The following CNTN5 variants were observed in gnomAD, a reference collection of about 807,000 sequenced individuals.
CNTN5 encodes contactin 5.
In CNTN5, 77 loss-of-function variants were observed where a neutral mutation model predicts 129.1. The observed-to-expected ratio is 0.60, with a 90% CI of 0.50 to 0.72. CNTN5 has a LOEUF of 0.72. Among genes scored for constraint, CNTN5 ranks in the 30% least tolerant of loss-of-function variants. The pLI is 0.00. For missense variants in CNTN5, 1,478 were observed against 1,328.8 expected (o/e 1.11, Z -1.75); for synonymous variants, 509 against 465.6 (o/e 1.09, Z -1.20).
chr11:99,723,793 C>G (rs184346629), intron 3 of CNTN5, among the ~76,000 whole-genome samples: 1 of 143,356 alleles, frequency 7.0e-6, no homozygotes, highest in Non-Finnish European at 1.6e-5. Context: ...CATGCGCACG[C>G]GTGTGTGTTT....
intron 3 of CNTN5, among the ~76,000 whole-genome samples, chr11:99,744,573 A>AAAAAAAAAAG (rs1591079744): frequency 8.3e-6 from 1 of 120,926 alleles, no homozygotes; most frequent in African/African-American, 3.1e-5. Context: ...AAAAAAAAAA[A>AAAAAAAAAAG]GCTGGGTGTA....
chr11:99,783,837 G>C (rs1276952095), intron 3 of CNTN5, among the ~76,000 whole-genome samples: 1 of 151,746 alleles, frequency 6.6e-6, no homozygotes, highest in East Asian at 2.0e-4. Context: ...GGTGGAGTGG[G>C]GAGGGATTGC....
chr11:99,131,059 G>A (rs1343079288), intron 1 of CNTN5, among the ~76,000 whole-genome samples: 1 of 148,894 alleles, frequency 6.7e-6, no homozygotes, highest in Non-Finnish European at 1.5e-5. Context: ...TCAGGAGATC[G>A]AGACCATCCT....
Position 100,193,639 on chromosome 11 carries a change from T to C in CNTN5, c.1860T>C (p.Gly620=). 1.2e-6 allele frequency: 2 copies of C among 1,611,596 alleles called. No individual in the cohort carries two copies. Among genetic ancestry groups the C allele is most frequent in the Middle Eastern group, 1.7e-4 (1 of 6,052 alleles). ...AGCCTATTGATTTCGAGGAAGAGGGTGGACATTTTGAAAGCATCAGGGCCG... is the reference window on the plus strand; with the variant it reads ...AGCCTATTGATTTCGAGGAAGAGGGCGGACATTTTGAAAGCATCAGGGCCG... ...KGQPIDFEEE[G]GHFESIRAQA... The change falls in exon 15 of 25, where the codon GGT becomes GGC. Residue 620 remains glycine (G), a synonymous_variant. Coordinates refer to ENST00000524871, the MANE Select transcript of CNTN5 (RefSeq NM_014361.4).
At chr11:99,753,335 G>A (rs891719373) in intron 3 of CNTN5, among the ~76,000 whole-genome samples, 1 of 151,184 alleles carries the variant, frequency 6.6e-6, no homozygotes, top group Non-Finnish European at 1.5e-5. Context: ...TGTTAGCCAG[G>A]ATGGTCTCGA....
intron 7 of CNTN5, among the ~76,000 whole-genome samples, 199 bp downstream of exon 7, chr11:99,916,348 T>A (rs1280307574): frequency 1.3e-5 from 2 of 152,144 alleles, no homozygotes; most frequent in Admixed American, 6.6e-5. Context: ...CCAATAAGAT[T>A]GTTTTATTGC....
intron 18 of CNTN5, among the ~76,000 whole-genome samples, chr11:100,296,101 C>G (rs1181912724): frequency 1.3e-5 from 2 of 151,360 alleles, no homozygotes; most frequent in Non-Finnish European, 3.0e-5. Context: ...GATCCCTGTC[C>G]TTTTACATAT....
chr11:100,307,526 A>T (rs1464939783), intron 20 of CNTN5, among the ~76,000 whole-genome samples: 1 of 151,700 alleles, frequency 6.6e-6, no homozygotes, highest in Non-Finnish European at 1.5e-5. Context: ...CAAAAAAAAA[A>T]AATAGTGTGA....
intron 21 of CNTN5, among the ~76,000 whole-genome samples, chr11:100,331,724 C>G (rs1313612511): frequency 6.6e-6 from 1 of 152,066 alleles, no homozygotes; most frequent in African/African-American, 2.4e-5. Flanking sequence ...AAAACCTGCT[C>G]CTGAATGATT....
At chr11:99,459,586 T>C (rs1336754500) in intron 2 of CNTN5, among the ~76,000 whole-genome samples, 1 of 151,980 alleles carries the variant, frequency 6.6e-6, no homozygotes, top group Non-Finnish European at 1.5e-5. Flanking sequence ...TCAGTGGGTG[T>C]TACAAAATAA....
In CNTN5 at chr11:99,971,822, TATA is replaced by T. The variant is rs369659363; in HGVS notation, c.877+14817_877+14819del. On this transcript the variant is annotated intron_variant, in intron 8 of 24. Coordinates refer to ENST00000524871, the MANE Select transcript of CNTN5 (RefSeq NM_014361.4). ...TATTTAGCAATAAACATTTTTAAAT[TATA>T]ATATTTAATTTTAAAAAAATTTATC... Among the ~76,000 whole-genome samples, 531 of 151,706 alleles carry T rather than the reference TATA, an allele frequency of 3.5e-3. 5 individuals are homozygous for T. Among genetic ancestry groups the T allele is most frequent in the African/African-American group, 0.012 (514 of 41,368 alleles).
chr11:99,074,796 C>T (rs1349156847), intron 1 of CNTN5, among the ~76,000 whole-genome samples: 1 of 151,804 alleles, frequency 6.6e-6, no homozygotes, highest in Non-Finnish European at 1.5e-5. Flanking sequence ...TACTATATGC[C>T]CAGAAAGGCT....
chr11:99,228,581 A>G (rs1467352519), intron 1 of CNTN5, among the ~76,000 whole-genome samples: 1 of 152,100 alleles, frequency 6.6e-6, no homozygotes, highest in Non-Finnish European at 1.5e-5. Flanking sequence ...GTGTAACAAA[A>G]TGTTACATGT....
At position 99,645,102 on chromosome 11, in the gene CNTN5, T is replaced by TAAAA. The variant is rs140819611; in HGVS notation, c.55+88833_55+88834insAAAA. Among the ~76,000 whole-genome samples, 105 of 143,192 alleles carry TAAAA rather than the reference T, an allele frequency of 7.3e-4. 8 individuals are homozygous for TAAAA. Among genetic ancestry groups the TAAAA allele is most frequent in the South Asian group, 1.3e-3 (6 of 4,480 alleles). The allele number at this position is 143,192 out of a possible 152,430, so 93.9% of individuals were successfully genotyped here. A position where few individuals can be genotyped will look rare whatever the true frequency, so the allele number is the denominator to read the frequency against. On this transcript the variant is annotated intron_variant, in intron 3 of 24. Coordinates refer to ENST00000524871, the MANE Select transcript of CNTN5 (RefSeq NM_014361.4). ...AATATGGTGAAACTCCGTCTCTACT[T>TAAAA]TAAAAAAAAAAGCCAGGCGTGATGC...
At chr11:100,292,881 A>T (rs1271306250) in intron 18 of CNTN5, among the ~76,000 whole-genome samples, 1 of 151,946 alleles carries the variant, frequency 6.6e-6, no homozygotes, top group Non-Finnish European at 1.5e-5. Flanking sequence ...CAGTCGTTTA[A>T]TGTCCTCTTA....
At chr11:100,230,102 T>G (rs928219990) in intron 16 of CNTN5, among the ~76,000 whole-genome samples, 5 of 152,206 alleles carry the variant, frequency 3.3e-5, no homozygotes, top group African/African-American at 1.2e-4. Context: ...ACTAAATACA[T>G]TTGCAAATAA....
At chr11:99,135,223 A>G (rs1230658800) in intron 1 of CNTN5, among the ~76,000 whole-genome samples, 1 of 152,118 alleles carries the variant, frequency 6.6e-6, no homozygotes, top group Non-Finnish European at 1.5e-5. Flanking sequence ...GTAAGCAAGT[A>G]AATACATATA....
chr11:99,734,400 G>T (rs1943632184), intron 3 of CNTN5, among the ~76,000 whole-genome samples: 1 of 152,006 alleles, frequency 6.6e-6, no homozygotes, highest in Admixed American at 6.6e-5. Flanking sequence ...GGCCTCAGAG[G>T]TACCTGGCCA....
At chr11:99,624,411 C>T (rs35694347) in intron 3 of CNTN5, among the ~76,000 whole-genome samples, 31,137 of 151,850 alleles carry the variant, frequency 0.21, 3,649 homozygotes, top group East Asian at 0.39. Flanking sequence ...CATTTCTTAG[C>T]TACTGATAAT....
Sources: allele counts gnomAD v4.1 joint callset (sites outside exome capture counted in the v4.1 genomes callset), GRCh38; gene constraint gnomAD v4.1.1; transcripts MANE v1.5; gene names NCBI Gene and HGNC (gene_info 2026-07-23, HGNC 2026-07-21).